Variants in INO80 observed in about 807,000 individuals in gnomAD.
INO80 encodes chromatin-remodeling ATPase INO80.
INO80 carries 20 observed loss-of-function variants against 203.4 expected under a neutral mutation model. That is an observed-to-expected ratio of 0.10 (90% CI 0.07 to 0.14). The LOEUF is 0.14. Among genes scored for constraint, INO80 ranks in the 10% least tolerant of loss-of-function variants. The probability of loss-of-function intolerance (pLI) is 1.00; values close to 1 mark genes in which losing one functional copy is unlikely to be tolerated. For missense variants in INO80, 1,419 were observed against 1,914.4 expected, an observed-to-expected ratio of 0.74 and a Z score of 4.83; for synonymous variants, 726 against 685.2, an observed-to-expected ratio of 1.06 and a Z score of -0.93.
intron 1 of INO80, among the ~76,000 whole-genome samples, chr15:41,096,862 G>C (rs1204172730): frequency 6.6e-6 from 1 of 152,154 alleles, no homozygotes; most frequent in Non-Finnish European, 1.5e-5. Context: ...AGATGTATTG[G>C]CAGAGTATTT....
At chr15:41,051,972 TAAATAAA>T (rs968494177) in intron 19 of INO80, among the ~76,000 whole-genome samples, 6 of 151,468 alleles carry the variant, frequency 4.0e-5, no homozygotes, top group Non-Finnish European at 8.9e-5. Flanking sequence ...AAATAAAAAA[TAAATAAA>T]AAATAAAAAA....
intron 27 of INO80, chr15:41,013,079 C>CAACAACAACAAA (rs2044154959): frequency 6.6e-6 from 1 of 151,632 alleles, no homozygotes; most frequent in Non-Finnish European, 1.5e-5. Flanking sequence ...CACATAACAA[C>CAACAACAACAAA]AACAACAACA....
chr15:41,050,540 A>G (rs2044851749), intron 19 of INO80, among the ~76,000 whole-genome samples: 1 of 152,216 alleles, frequency 6.6e-6, no homozygotes, highest in Admixed American at 6.5e-5. Context: ...CAGTTGGGAA[A>G]GACAAACTTA....
In INO80 at chr15:41,072,078, AAAATTAG is replaced by A; in HGVS notation, c.1396-27_1396-21del. ...CCTTGTCTGGAAAGTAAAAAAAAAA[AAAATTAG>A]AAAAAAAAAAAAGAGGAAAAATATT... On this transcript the variant is annotated intron_variant, in intron 11 of 35. Transcript: ENST00000648947. 6.8e-7 allele frequency: 1 copy of A among 1,465,894 alleles called. No individual in the cohort carries two copies. The highest frequency in any genetic ancestry group is 9.2e-7 in the Non-Finnish European group (1 of 1,084,480). 90.8% of individuals were successfully genotyped at this position (1,465,894 alleles called of 1,614,324 possible).
chr15:41,099,434 A>G (rs2045775037), intron 1 of INO80, among the ~76,000 whole-genome samples: 1 of 151,934 alleles, frequency 6.6e-6, no homozygotes, highest in East Asian at 1.9e-4. Flanking sequence ...AATTATGTGA[A>G]TTTCATAGTT....
intron 27 of INO80, among the ~76,000 whole-genome samples, chr15:41,006,990 T>A (rs1047190173): frequency 6.6e-6 from 1 of 152,066 alleles, no homozygotes; most frequent in African/African-American, 2.4e-5. Context: ...AAAGAAGGTA[T>A]AAAATGATAG....
chr15:41,082,590 A>C (rs2045501775), intron 7 of INO80, among the ~76,000 whole-genome samples: 1 of 152,024 alleles, frequency 6.6e-6, no homozygotes, highest in Non-Finnish European at 1.5e-5. Context: ...AATCCCAGCT[A>C]CCCAGGAGGG....
chr15:41,025,202 C>T (rs1325581494), intron 25 of INO80, among the ~76,000 whole-genome samples: 1 of 152,166 alleles, frequency 6.6e-6, no homozygotes, highest in Non-Finnish European at 1.5e-5. Context: ...TTGAGAGAAA[C>T]AGCAGCAGCA....
intron 5 of INO80, among the ~76,000 whole-genome samples, chr15:41,089,002 A>G (rs966511904): frequency 3.3e-5 from 5 of 152,014 alleles, no homozygotes; most frequent in Admixed American, 2.6e-4. Context: ...CAGCCTGGCC[A>G]ACATGATGAA....
chr15:41,105,461 C>T (rs1401795112), intron 1 of INO80, among the ~76,000 whole-genome samples: 1 of 152,084 alleles, frequency 6.6e-6, no homozygotes, highest in Non-Finnish European at 1.5e-5. Context: ...TTACAACCAC[C>T]ATTTTACATA....
At chr15:41,082,686 A>C (rs1435947823) in intron 7 of INO80, among the ~76,000 whole-genome samples, 1 of 152,022 alleles carries the variant, frequency 6.6e-6, no homozygotes, top group Non-Finnish European at 1.5e-5. Flanking sequence ...CCTGGGTGAC[A>C]AGAGCGAAAC....
chr15:41,071,666 G>A (rs538868412), intron 12 of INO80, among the ~76,000 whole-genome samples, 183 bp downstream of exon 12: 4 of 151,274 alleles, frequency 2.6e-5, no homozygotes, highest in Non-Finnish European at 5.9e-5. Flanking sequence ...TCACCATGTT[G>A]GTCAGGCTGG....
rs1382599985 is a variant in INO80, at chr15:40,982,853, CT to C, written c.4453+8del. ...GAACAAAGTCTGCAGCCACCCTGGG[CT>C]TCTGTACCTTTAGACACGTTGTACC... On this transcript the variant is annotated splice_region_variant and intron_variant, in intron 35 of 35. Transcript: ENST00000648947. 6.2e-7 allele frequency: 1 copy of C among 1,607,594 alleles called. No individual in the cohort carries two copies. Among genetic ancestry groups the C allele is most frequent in the Admixed American group, 1.7e-5 (1 of 59,898 alleles).
At chr15:41,016,512 A>G (rs1479919821) in intron 26 of INO80, among the ~76,000 whole-genome samples, 2 of 152,234 alleles carry the variant, frequency 1.3e-5, no homozygotes, top group Non-Finnish European at 2.9e-5. Context: ...AGAGGACACC[A>G]GGTATACATG....
intron 14 of INO80, among the ~76,000 whole-genome samples, chr15:41,062,505 C>A (rs1006009490): frequency 6.6e-6 from 1 of 151,920 alleles, no homozygotes; most frequent in African/African-American, 2.4e-5. Context: ...TGCACTGAAG[C>A]GTGGGTGACA....
chr15:41,043,661 T>C (rs1008815321), intron 24 of INO80, among the ~76,000 whole-genome samples: 1 of 152,200 alleles, frequency 6.6e-6, no homozygotes, highest in Non-Finnish European at 1.5e-5. Flanking sequence ...TTCTATAGGA[T>C]ACAAGGAAAA....
intron 5 of INO80, among the ~76,000 whole-genome samples, chr15:41,088,121 T>A (rs2140646083): frequency 6.9e-6 from 1 of 144,768 alleles, no homozygotes; most frequent in Non-Finnish European, 1.5e-5. Flanking sequence ...AGACAGAGTC[T>A]TGCTCTGTCG....
chr15:41,021,379 T>C (rs1399399089), intron 25 of INO80, among the ~76,000 whole-genome samples: 1 of 152,130 alleles, frequency 6.6e-6, no homozygotes, highest in Admixed American at 6.6e-5. Context: ...TGCAGATAAA[T>C]GAGAATACCA....
chr15:41,094,048 T>G (rs1473736938), intron 4 of INO80, among the ~76,000 whole-genome samples: 1 of 152,214 alleles, frequency 6.6e-6, no homozygotes, highest in Non-Finnish European at 1.5e-5. Flanking sequence ...GGGTTTTAAT[T>G]GCTTTTGAGT....
Sources: gnomAD v4.1 joint callset for allele counts (sites outside exome capture counted in the v4.1 genomes callset) on GRCh38, gnomAD v4.1.1 for gene constraint, MANE v1.5 for transcripts, NCBI Gene and HGNC (gene_info 2026-07-23, HGNC 2026-07-21) for gene names.